Variants in MAPK8IP3 observed in about 807,000 individuals in gnomAD.
MAPK8IP3 encodes mitogen-activated protein kinase 8 interacting protein 3.
A neutral mutation model predicts 157.8 loss-of-function variants in MAPK8IP3; 49 were observed. The ratio of observed to expected loss-of-function variants is 0.31; its 90% CI spans 0.25 to 0.39. The LOEUF is 0.39. MAPK8IP3 is among the 10% of genes least tolerant of loss of function. The pLI is 1.00. For synonymous variants in MAPK8IP3, 897 were observed against 777.7 expected (o/e 1.15, Z -2.55); for missense variants, 1,478 against 1,889.4 (o/e 0.78, Z 4.04).
chr16:1,766,304 C>T lies in MAPK8IP3; in HGVS notation c.2714C>T (p.Pro905Leu). 3 of 1,612,738 alleles carry T rather than the reference C, an allele frequency of 1.9e-6. No individual in the cohort carries two copies. The highest frequency in any genetic ancestry group is 2.5e-6 in the Non-Finnish European group (3 of 1,179,996). The change falls in exon 22 of 32, where the codon CCT (proline) becomes CTT (leucine). Residue 905 changes from proline (P) to leucine (L), a missense_variant. Coordinates refer to ENST00000610761, the MANE Select transcript of MAPK8IP3 (RefSeq NM_001318852.2). ...EATEATEVPD[P>L]GPSEPETATL... ...ACAGAGGCCACGGAGGTGCCAGACC[C>T]TGGGCCCAGCGAGCCAGAGACAGCC...
intron 4 of MAPK8IP3, among the ~76,000 whole-genome samples, chr16:1,740,602 A>G (rs371490800): frequency 3.9e-5 from 6 of 152,294 alleles, no homozygotes; most frequent in African/African-American, 1.2e-4. Context: ...GCGTGTGCGC[A>G]TTCTGCTGCC....
chr16:1,768,447 C>T (rs752689695), intron 30 of MAPK8IP3, 30 bp from the exon 31 acceptor site: 53 of 1,588,256 alleles, frequency 3.3e-5, no homozygotes, highest in South Asian at 1.6e-4. Flanking sequence ...CCCAGGAGGC[C>T]GCTGTCCTGA....
intron 1 of MAPK8IP3, among the ~76,000 whole-genome samples, chr16:1,717,734 C>T (rs1371572800): frequency 1.3e-5 from 2 of 151,714 alleles, no homozygotes; most frequent in African/African-American, 4.8e-5. Flanking sequence ...CAGGCCCATT[C>T]AAAAAAAATG....
rs763211400 is a variant in MAPK8IP3, at chr16:1,752,564, G to A, written c.1216+3844G>A. The A allele has an allele frequency of 6.7e-5, 22 of 329,608 alleles. 1 individual carries two copies. Among genetic ancestry groups the A allele is most frequent in the South Asian group, 4.0e-4 (18 of 45,366 alleles). 20.4% of individuals were successfully genotyped at this position (329,608 alleles called of 1,614,324 possible). The stretch of plus-strand genomic sequence containing the variant: ...TCAAGACCAGCCTGGTCAACATAGC[G>A]AGACCCCATCTCTACAAAACATTTT... On this transcript the variant is annotated intron_variant, in intron 8 of 31. Coordinates refer to ENST00000610761, the MANE Select transcript of MAPK8IP3 (RefSeq NM_001318852.2).
At chr16:1,711,022 G>A (rs960972791) in intron 1 of MAPK8IP3, among the ~76,000 whole-genome samples, 2 of 152,234 alleles carry the variant, frequency 1.3e-5, no homozygotes, top group African/African-American at 4.8e-5. Flanking sequence ...CCCCTCTGCC[G>A]CTCCGCTGCG....
intron 8 of MAPK8IP3, among the ~76,000 whole-genome samples, chr16:1,749,156 G>C (rs1008259967): frequency 6.6e-6 from 1 of 152,218 alleles, no homozygotes; most frequent in Admixed American, 6.5e-5. Flanking sequence ...TGCAGAACTC[G>C]TGGGTATTGA....
intron 5 of MAPK8IP3, chr16:1,744,439 C>T (rs2141851231): frequency 1.0e-6 from 1 of 985,934 alleles, no homozygotes; most frequent in South Asian, 4.7e-5. Context: ...CGTCAGCCCA[C>T]CTGCTGCTGC....
At chr16:1,731,143 A>C (rs1368463459) in intron 4 of MAPK8IP3, among the ~76,000 whole-genome samples, 1 of 152,188 alleles carries the variant, frequency 6.6e-6, no homozygotes, top group Non-Finnish European at 1.5e-5. Context: ...CTCAAAAATA[A>C]ATACATAAAT....
At chr16:1,758,847 C>A in intron 9 of MAPK8IP3, 131 bp from the exon 10 acceptor site, 1 of 915,816 alleles carries the variant, frequency 1.1e-6, no homozygotes, top group South Asian at 1.5e-5. Context: ...CCACCCTAAC[C>A]CAGCAGACCC....
At position 1,768,523 on chromosome 16, in the gene MAPK8IP3, C is replaced by G. The variant is rs1015540953; in HGVS notation, c.3789C>G (p.Ala1263=). The G allele has an allele frequency of 7.1e-6, 11 of 1,558,158 alleles. No individual in the cohort carries two copies. The Admixed American group carries it at 1.9e-4, about 27-fold the overall frequency. ...ATGGGAGTGTGCTGGACAGCCCAGC[C>G]GAGGGCCCTGGGCCAGCTGCCCCTG... ...TLNGSVLDSP[A]EGPGPAAPAS... is the part of the protein sequence containing the mutation. The change falls in exon 31 of 32, where the codon GCC becomes GCG. Residue 1263 remains alanine, a synonymous_variant. Transcript: ENST00000610761.
At position 1,738,143 on chromosome 16, in the gene MAPK8IP3, ACCAT is replaced by A. The variant is rs573896188; in HGVS notation, c.603-5184_603-5181del. Among the ~76,000 whole-genome samples the A allele has an allele frequency of 4.5e-3, 317 of 69,714 alleles. 16 individuals are homozygous for A. Among genetic ancestry groups the A allele is most frequent in the Non-Finnish European group, 6.2e-3 (248 of 40,046 alleles). The allele number at this position is 69,714 out of a possible 152,430, so 45.7% of individuals were successfully genotyped here. ...GTGAGCGTGACTGTCCGTGTGTGTG[ACCAT>A]CCATGTGAGCATCTGTGTGACCGTC... On this transcript the variant is annotated intron_variant, in intron 4 of 31. Coordinates refer to ENST00000610761, the MANE Select transcript of MAPK8IP3 (RefSeq NM_001318852.2).
rs371473594 is a variant in MAPK8IP3, at chr16:1,766,658, G to T, written c.2939+10G>T. The T allele has an allele frequency of 1.1e-5, 17 of 1,612,318 alleles. No homozygotes were observed. The highest frequency in any genetic ancestry group is 1.7e-5 in the Admixed American group (1 of 59,984). On this transcript the variant is annotated intron_variant, in intron 23 of 31. Coordinates refer to ENST00000610761, the MANE Select transcript of MAPK8IP3 (RefSeq NM_001318852.2). Reference sequence around the variant, plus strand: ...GAGCCCAGAACGGCTGGTAGGAAGGGCCCGGGGCAAGGTGGAGGGAGGGTC... The same window carrying T: ...GAGCCCAGAACGGCTGGTAGGAAGGTCCCGGGGCAAGGTGGAGGGAGGGTC...
chr16:1,726,259 G>A (rs990286778), intron 2 of MAPK8IP3, among the ~76,000 whole-genome samples: 1 of 152,194 alleles, frequency 6.6e-6, no homozygotes, highest in African/African-American at 2.4e-5. Context: ...GACCCGTGCT[G>A]AGCATACCTA....
In MAPK8IP3 at chr16:1,736,558, G is replaced by C. The variant is rs576433725; in HGVS notation, c.603-6774G>C. ...TGAGCATCCGTGTGAGCGTGTGACT[G>C]TCCGTGTGTGACCGTCCGTGTGAGC... On this transcript the variant is annotated intron_variant, in intron 4 of 31. Coordinates refer to ENST00000610761, the MANE Select transcript of MAPK8IP3 (RefSeq NM_001318852.2). Among the ~76,000 whole-genome samples the C allele has an allele frequency of 9.0e-3, 601 of 66,634 alleles. 7 individuals carry two copies. The highest frequency in any genetic ancestry group is 0.013 in the Non-Finnish European group (455 of 36,330). The allele number at this position is 66,634 out of a possible 152,430, so 43.7% of individuals were successfully genotyped here. A position where few individuals can be genotyped will look rare whatever the true frequency, so the allele number is the denominator to read the frequency against.
At position 1,768,491 on chromosome 16, in the gene MAPK8IP3, A is replaced by T; in HGVS notation, c.3757A>T (p.Thr1253Ser). 1 of 1,561,526 alleles carries T rather than the reference A, an allele frequency of 6.4e-7. No homozygotes were observed. Among genetic ancestry groups the T allele is most frequent in the South Asian group, 1.2e-5 (1 of 86,924 alleles). ...TGCCATCCCAGGGAACGTGCTGGCCACCCTGAATGGGAGTGTGCTGGACAG... is the reference window on the plus strand; with the variant it reads ...TGCCATCCCAGGGAACGTGCTGGCCTCCCTGAATGGGAGTGTGCTGGACAG... Reference protein sequence around the residue: ...FVSVPGNVLATLNGSVLDSPA... With the variant: ...FVSVPGNVLASLNGSVLDSPA... The change falls in exon 31 of 32, where the codon ACC becomes TCC. Residue 1253 changes from threonine to serine, a missense_variant. Physicochemically the swap from Thr to Ser is moderately conservative, Grantham distance 58. Transcript: ENST00000610761.
chr16:1,715,309 G>A (rs1478268741), intron 1 of MAPK8IP3, among the ~76,000 whole-genome samples: 2 of 152,134 alleles, frequency 1.3e-5, no homozygotes, highest in African/African-American at 2.4e-5. Flanking sequence ...CCGTCCAGCA[G>A]GCTTCAGGGG....
chr16:1,768,263 C>T lies in MAPK8IP3; in HGVS notation c.3627C>T (p.Gly1209=), dbSNP rs749433939. The change falls in exon 30 of 32, where the codon GGC becomes GGT. Residue 1209 remains glycine (G), a synonymous_variant. Coordinates refer to ENST00000610761, the MANE Select transcript of MAPK8IP3 (RefSeq NM_001318852.2). ...ARPGGIIHVY[G]DDSSDRAASS... is the part of the protein sequence containing the mutation. ...CCGGGGGCATCATCCACGTGTATGG[C>T]GATGACAGCAGTGACAGGGCGGCCA... 23 of 1,612,122 alleles carry T rather than the reference C, an allele frequency of 1.4e-5. No homozygotes were observed. Among genetic ancestry groups the T allele is most frequent in the Non-Finnish European group, 1.9e-5 (22 of 1,179,990 alleles).
intron 4 of MAPK8IP3, among the ~76,000 whole-genome samples, chr16:1,738,991 C>T (rs1212505247): frequency 8.9e-6 from 1 of 112,224 alleles, no homozygotes; most frequent in Non-Finnish European, 1.8e-5. Flanking sequence ...AGCATGTGAG[C>T]ATCCGTGTGT....
chr16:1,748,707 G>A lies in MAPK8IP3; in HGVS notation c.1203G>A (p.Gly401=). 1.9e-6 allele frequency: 3 copies of A among 1,613,934 alleles called. No homozygotes were observed. The highest frequency in any genetic ancestry group is 2.2e-5 in the East Asian group (1 of 44,878). ...GSEVIGDVDE[G]ADLLGEFSVR... ...AGGTCATCGGGGATGTGGACGAAGGGGCCGACCTCCTAGGTAAGCGCAAGC... is the reference window on the plus strand; with the variant it reads ...AGGTCATCGGGGATGTGGACGAAGGAGCCGACCTCCTAGGTAAGCGCAAGC... Residue 401 remains glycine (G), a synonymous_variant, in exon 8 of 32, where the codon GGG becomes GGA. Coordinates refer to ENST00000610761, the MANE Select transcript of MAPK8IP3 (RefSeq NM_001318852.2).
Sources: gnomAD v4.1 joint callset for allele counts (sites outside exome capture counted in the v4.1 genomes callset) on GRCh38, gnomAD v4.1.1 for gene constraint, MANE v1.5 for transcripts, NCBI Gene and HGNC (gene_info 2026-07-23, HGNC 2026-07-21) for gene names.